Variants in USP9Y observed in about 807,000 individuals in gnomAD.
USP9Y encodes ubiquitin specific peptidase 9 Y-linked.
Under a neutral mutation model 53.1 loss-of-function variants are expected in USP9Y, and 41 were observed. The ratio of observed to expected loss-of-function variants is 0.77; its 90% CI spans 0.60 to 1.00. The LOEUF (loss-of-function observed/expected upper bound fraction) is 1.00. USP9Y is among the 50% of genes least tolerant of loss of function. The probability of loss-of-function intolerance (pLI) is 0.00; values close to 1 mark genes in which losing one functional copy is unlikely to be tolerated. For synonymous variants in USP9Y, 220 were observed against 173.7 expected, an observed-to-expected ratio of 1.27 and a Z score of -2.09; for missense variants, 567 against 535.8, an observed-to-expected ratio of 1.06 and a Z score of -0.58.
chrY:12,833,231 T>C (rs775732640), intron 33 of USP9Y, among the ~76,000 whole-genome samples: 2 of 33,448 alleles, frequency 6.0e-5, no homozygotes, highest in African/African-American at 2.3e-4. Context: ...ATATGTTTAC[T>C]CTAGAACGGG....
intron 45 of USP9Y, among the ~76,000 whole-genome samples, chrY:12,858,314 G>A (rs2053579681): frequency 9.4e-5 from 3 of 32,040 alleles, no homozygotes; most frequent in South Asian, 7.1e-4. Flanking sequence ...CAGGGCTATC[G>A]TGGGGCTCAA....
At chrY:12,859,039 G>C in intron 45 of USP9Y, among the ~76,000 whole-genome samples, 2 of 33,652 alleles carry the variant, frequency 5.9e-5, no homozygotes, top group South Asian at 1.3e-3. Context: ...TCTCTAGGGA[G>C]GTGAAATGAA....
Position 12,771,058 on chromosome Y carries a change from T to C in USP9Y, c.1901-10T>C. The stretch of plus-strand genomic sequence containing the variant: ...CATGTGTATAATGCATAATTTTGGT[T>C]TATTTGCAGATCATGAAGACTATGA... On this transcript the variant is annotated splice_polypyrimidine_tract_variant and intron_variant, in intron 15 of 45. Coordinates refer to ENST00000338981, the MANE Select transcript of USP9Y (RefSeq NM_004654.4). The C allele has an allele frequency of 2.6e-6, 1 of 387,740 alleles. No individual in the cohort carries two copies.
At position 12,773,772 on chromosome Y, in the gene USP9Y, T is replaced by G; in HGVS notation, c.2178T>G (p.Leu726=). The G allele has an allele frequency of 2.5e-6, 1 of 398,550 alleles. No individual in the cohort carries two copies. Among genetic ancestry groups the G allele is most frequent in the Admixed American group, 7.4e-5 (1 of 13,459 alleles). ...AGGACTTCTTTGAAAGTAATGTACTTCAGCTTGATCCTTCCCTTTTAACTG... is the reference window on the plus strand; with the variant it reads ...AGGACTTCTTTGAAAGTAATGTACTGCAGCTTGATCCTTCCCTTTTAACTG... The part of the protein sequence containing the change: ...INKDFFESNV[L]QLDPSLLTEN... The change falls in exon 17 of 46, where the codon CTT becomes CTG. Residue 726 remains leucine (L), a synonymous_variant. Transcript: ENST00000338981.
chrY:12,708,027 C>T (rs2053421074), intron 1 of USP9Y, among the ~76,000 whole-genome samples: 1 of 33,249 alleles, frequency 3.0e-5, no homozygotes, highest in South Asian at 6.7e-4. Flanking sequence ...CGTGAGCCAC[C>T]GCACCCAGCC....
At chrY:12,781,115 C>G in intron 22 of USP9Y, among the ~76,000 whole-genome samples, 3 of 32,741 alleles carry the variant, frequency 9.2e-5, no homozygotes, top group Admixed American at 2.8e-4. Flanking sequence ...CATTACCATA[C>G]CACCACAATA....
chrY:12,816,368 T>G (rs1264116518), intron 32 of USP9Y, 24 bp downstream of exon 32: 1 of 358,537 alleles, frequency 2.8e-6, no homozygotes, highest in Non-Finnish European at 4.0e-6. Flanking sequence ...CTGTTTTCTT[T>G]GAAGAGTCTG....
At chrY:12,746,236 G>A (rs377074045) in intron 12 of USP9Y, among the ~76,000 whole-genome samples, 140 of 33,503 alleles carry the variant, frequency 4.2e-3, no homozygotes, top group African/African-American at 0.014. Flanking sequence ...TTATTATATG[G>A]AAATCCTGTT....
At position 12,860,732 on chromosome Y, in the gene USP9Y, C is replaced by A. The variant is rs567478645; in HGVS notation, c.*1316C>A. The stretch of plus-strand genomic sequence containing the variant: ...TAATATTTTGGAACCTGTTTAAAAA[C>A]CAAATATACCTGCAAATAGATACAG... On this transcript the variant is annotated 3_prime_UTR_variant, in exon 46 of 46. Coordinates refer to ENST00000338981, the MANE Select transcript of USP9Y (RefSeq NM_004654.4). The A allele has an allele frequency of 6.0e-5, 2 of 33,512 alleles. No individual in the cohort carries two copies. The highest frequency in any genetic ancestry group is 2.3e-4 in the African/African-American group (2 of 8,646). The allele number at this position is 33,512 out of a possible 400,897, so 8.4% of individuals were successfully genotyped here.
chrY:12,831,132 G>A (rs1603202836), intron 33 of USP9Y, among the ~76,000 whole-genome samples: 1 of 33,129 alleles, frequency 3.0e-5, no homozygotes, highest in Non-Finnish European at 7.4e-5. Flanking sequence ...ATGTGGAACC[G>A]AGTCACTTAA....
intron 3 of USP9Y, among the ~76,000 whole-genome samples, chrY:12,716,892 G>A: frequency 5.9e-5 from 2 of 34,093 alleles, no homozygotes; most frequent in African/African-American, 2.3e-4. Flanking sequence ...ACAGGCGTGA[G>A]CCCCCACGCC....
rs772928698 is a variant in USP9Y at position 12,810,868 on chromosome Y, T to A, written c.4239+50T>A. The A allele has an allele frequency of 8.6e-6, 3 of 349,100 alleles. No homozygotes were observed. The South Asian group carries it at 9.5e-5, about 11-fold the overall frequency. 87.1% of individuals were successfully genotyped at this position (349,100 alleles called of 400,897 possible). On this transcript the variant is annotated intron_variant, in intron 29 of 45. Transcript: ENST00000338981. The stretch of plus-strand genomic sequence containing the variant: ...TTATGTCATGACCAAATCAGCTGTC[T>A]TATTAAAAGGAGGTTTGTAGTCTTT...
intron 7 of USP9Y, 66 bp from the exon 8 acceptor site, chrY:12,735,546 G>A: frequency 9.9e-6 from 2 of 202,716 alleles, no homozygotes; most frequent in East Asian, 1.1e-4. Flanking sequence ...TCACACAAAT[G>A]CGTTTCAAAT....
At chrY:12,835,298 C>T in intron 34 of USP9Y, among the ~76,000 whole-genome samples, 1 of 33,521 alleles carries the variant, frequency 3.0e-5, no homozygotes, top group Non-Finnish European at 7.4e-5. Flanking sequence ...TTCCTCCTGC[C>T]TCAGCCTCCC....
At chrY:12,717,852 A>G in intron 3 of USP9Y, among the ~76,000 whole-genome samples, 1 of 32,940 alleles carries the variant, frequency 3.0e-5, no homozygotes. Context: ...GAGATAGGTA[A>G]GATTCAGTGG....
chrY:12,811,788 A>G lies in USP9Y; in HGVS notation c.4386+7A>G, dbSNP rs2053531101. On this transcript the variant is annotated splice_region_variant and intron_variant, in intron 30 of 45. Coordinates refer to ENST00000338981, the MANE Select transcript of USP9Y (RefSeq NM_004654.4). ...AGGTGCTAATCTCATTAAAGTAAGT[A>G]CTTTTTTTTTTCTTTTTTTGAGATG... 2.6e-6 allele frequency: 1 copy of G among 386,727 alleles called. No homozygotes were observed. The highest frequency in any genetic ancestry group is 3.6e-6 in the Non-Finnish European group (1 of 276,238).
At chrY:12,789,388 T>C in intron 24 of USP9Y, among the ~76,000 whole-genome samples, 1 of 33,011 alleles carries the variant, frequency 3.0e-5, no homozygotes, top group South Asian at 6.9e-4. Flanking sequence ...TCCCAGCATT[T>C]TGGGAGGCCT....
At chrY:12,791,968 G>A in intron 26 of USP9Y, among the ~76,000 whole-genome samples, 1 of 33,392 alleles carries the variant, frequency 3.0e-5, no homozygotes, top group Non-Finnish European at 7.4e-5. Context: ...GGGAATTATG[G>A]CATTTAAATT....
At chrY:12,705,975 T>TTTGC (rs2053419090) in intron 1 of USP9Y, among the ~76,000 whole-genome samples, 1 of 34,141 alleles carries the variant, frequency 2.9e-5, no homozygotes, top group African/African-American at 1.1e-4. Context: ...GTTAGTTACT[T>TTTGC]TTGCCTCGTA....
Sources: gnomAD v4.1 joint callset for allele counts (sites outside exome capture counted in the v4.1 genomes callset) on GRCh38, gnomAD v4.1.1 for gene constraint, MANE v1.5 for transcripts, NCBI Gene and HGNC (gene_info 2026-07-23, HGNC 2026-07-21) for gene names.